The following RBFOX1 variants were observed in gnomAD, a reference collection of about 807,000 sequenced individuals.
The protein encoded by RBFOX1 is RNA binding protein fox-1 homolog 1.
In RBFOX1, 8 loss-of-function variants were observed where a neutral mutation model predicts 57.7. The observed-to-expected ratio is 0.14, with a 90% CI of 0.08 to 0.25. RBFOX1 has a LOEUF of 0.25. RBFOX1 is among the 10% of genes least tolerant of loss of function. The pLI, the probability that RBFOX1 is intolerant of heterozygous loss-of-function variation, is 1.00. For missense variants in RBFOX1, 611 were observed against 548.5 expected, an observed-to-expected ratio of 1.11 and a Z score of -1.14; for synonymous variants, 326 against 222.4, an observed-to-expected ratio of 1.47 and a Z score of -4.15.
chr16:6,907,166 C>T (rs1373243407), intron 3 of RBFOX1, among the ~76,000 whole-genome samples: 7 of 152,150 alleles, frequency 4.6e-5, no homozygotes, highest in African/African-American at 1.7e-4. Context: ...TACAACTTGG[C>T]AGGGGAGTAT....
chr16:5,890,828 A>G (rs1480994515), intron 4 of RBFOX1, among the ~76,000 whole-genome samples: 1 of 151,946 alleles, frequency 6.6e-6, no homozygotes, highest in African/African-American at 2.4e-5. Context: ...AAATGGAATG[A>G]TCCATTCACC....
chr16:7,108,230 G>C (rs1353191931), intron 4 of RBFOX1, among the ~76,000 whole-genome samples: 1 of 152,174 alleles, frequency 6.6e-6, no homozygotes, highest in Non-Finnish European at 1.5e-5. Context: ...TCTGGAATCA[G>C]AAGCACTGGG....
At chr16:7,189,553 A>AC (rs57865669) in intron 4 of RBFOX1, among the ~76,000 whole-genome samples, 26,068 of 129,718 alleles carry the variant, frequency 0.2, 2,476 homozygotes, top group Middle Eastern at 0.27. Flanking sequence ...ATGTCCCCCA[A>AC]AACACACACA....
chr16:6,486,893 T>C (rs557256910), intron 2 of RBFOX1, among the ~76,000 whole-genome samples: 16 of 152,244 alleles, frequency 1.1e-4, no homozygotes, highest in Non-Finnish European at 1.8e-4. Context: ...TTTAATTAAA[T>C]CATAGATAAT....
chr16:6,821,356 C>G (rs544334039), intron 3 of RBFOX1, among the ~76,000 whole-genome samples: 1 of 152,272 alleles, frequency 6.6e-6, no homozygotes, highest in South Asian at 2.1e-4. Flanking sequence ...GAAAACTAGT[C>G]TAGTCTTTGA....
chr16:7,004,552 C>T (rs948645394), intron 3 of RBFOX1, among the ~76,000 whole-genome samples: 2 of 152,128 alleles, frequency 1.3e-5, no homozygotes, highest in Non-Finnish European at 2.9e-5. Flanking sequence ...ATGGACACGT[C>T]CTAGCTATGT....
chr16:5,863,470 C>G (rs1185892395), intron 3 of RBFOX1, among the ~76,000 whole-genome samples: 2 of 152,198 alleles, frequency 1.3e-5, no homozygotes, highest in Non-Finnish European at 2.9e-5. Context: ...GCCCTCCATC[C>G]TCCAGCAGGC....
At chr16:5,920,138 G>T (rs967504090) in intron 4 of RBFOX1, among the ~76,000 whole-genome samples, 1 of 152,018 alleles carries the variant, frequency 6.6e-6, no homozygotes, top group African/African-American at 2.4e-5. Context: ...ATTTCACCGC[G>T]TTAGCCAGGA....
intron 3 of RBFOX1, among the ~76,000 whole-genome samples, chr16:6,756,011 C>T (rs1019662618): frequency 2.0e-5 from 3 of 152,194 alleles, no homozygotes; most frequent in Admixed American, 6.5e-5. Flanking sequence ...TCTGCAATCA[C>T]ATCAGCCCCG....
At chr16:5,639,839 T>C (rs1301550546) in intron 3 of RBFOX1, among the ~76,000 whole-genome samples, 1 of 152,222 alleles carries the variant, frequency 6.6e-6, no homozygotes, top group Non-Finnish European at 1.5e-5. Context: ...GATTGTGAGT[T>C]TCTTCATCTT....
downstream of RBFOX1, among the ~76,000 whole-genome samples, chr16:5,605,042 C>T (rs751583926): frequency 5.3e-5 from 8 of 152,220 alleles, no homozygotes; most frequent in African/African-American, 9.6e-5. Context: ...CCCACTCACC[C>T]GGCCTTCATT....
intron 4 of RBFOX1, among the ~76,000 whole-genome samples, chr16:5,884,912 A>C (rs2057859299): frequency 6.6e-6 from 1 of 152,106 alleles, no homozygotes; most frequent in African/African-American, 2.4e-5. Context: ...GTGCACTCAG[A>C]ATCTCTTTAG....
chr16:5,849,802 T>C (rs996606624), intron 3 of RBFOX1, among the ~76,000 whole-genome samples: 1 of 152,140 alleles, frequency 6.6e-6, no homozygotes, highest in African/African-American at 2.4e-5. Context: ...TCTTTGGAAT[T>C]TTGAGTTGTG....
intron 1 of RBFOX1, among the ~76,000 whole-genome samples, chr16:6,243,786 T>C (rs1295356559): frequency 1.3e-5 from 2 of 152,134 alleles, no homozygotes; most frequent in African/African-American, 4.8e-5. Flanking sequence ...GGAGTTGTGA[T>C]GGTGGGAACT....
intron 2 of RBFOX1, among the ~76,000 whole-genome samples, chr16:5,536,862 C>A (rs1412476136): frequency 6.6e-6 from 1 of 152,154 alleles, no homozygotes; most frequent in African/African-American, 2.4e-5. Flanking sequence ...CTGTACCATA[C>A]AAATGAAGGT....
chr16:7,686,962 A>T (rs1321644724), intron 14 of RBFOX1, among the ~76,000 whole-genome samples: 1 of 152,106 alleles, frequency 6.6e-6, no homozygotes, highest in Non-Finnish European at 1.5e-5. Flanking sequence ...CTGGGGAGAG[A>T]TTCACAGACC....
chr16:5,773,676 A>G (rs11648113), intron 3 of RBFOX1, among the ~76,000 whole-genome samples: 38,865 of 152,086 alleles, frequency 0.26, 5,788 homozygotes, highest in East Asian at 0.55. Flanking sequence ...TAGAATTGCC[A>G]GGTGGAAAAG....
chr16:5,940,628 G>A (rs1237897772), intron 4 of RBFOX1, among the ~76,000 whole-genome samples: 1 of 152,308 alleles, frequency 6.6e-6, no homozygotes, highest in African/African-American at 2.4e-5. Context: ...ACTCCTTCAG[G>A]AAGCAATTAA....
chr16:5,513,198 C>T (rs2043668459), intron 2 of RBFOX1, among the ~76,000 whole-genome samples: 1 of 152,160 alleles, frequency 6.6e-6, no homozygotes, highest in Non-Finnish European at 1.5e-5. Flanking sequence ...AGGTGTGAGC[C>T]AAGGTACCCG....
Sources: allele counts gnomAD v4.1 joint callset (sites outside exome capture counted in the v4.1 genomes callset), GRCh38; gene constraint gnomAD v4.1.1; transcripts MANE v1.5; gene names NCBI Gene and HGNC (gene_info 2026-07-23, HGNC 2026-07-21).